The following FYCO1 variants were observed in gnomAD, a reference collection of about 807,000 sequenced individuals.
FYCO1 encodes the protein FYVE and coiled-coil domain autophagy adaptor 1, also known as FYVE and coiled-coil domain-containing protein 1.
A neutral mutation model predicts 165.1 loss-of-function variants in FYCO1; 122 were observed. The observed-to-expected ratio is 0.74, with a 90% CI of 0.64 to 0.86. FYCO1 has a LOEUF of 0.86. Among genes scored for constraint, FYCO1 ranks in the 40% least tolerant of loss-of-function variants. The pLI is 0.00. For missense variants in FYCO1, 1,702 were observed against 1,810.3 expected (o/e 0.94, Z 1.09); for synonymous variants, 648 against 742.5 (o/e 0.87, Z 2.07).
chr3:45,949,552 T>TACCCCTGTGCACCACAGCACC (rs1704863928), intron 14 of FYCO1, among the ~76,000 whole-genome samples: 1 of 152,184 alleles, frequency 6.6e-6, no homozygotes, highest in South Asian at 2.1e-4. Flanking sequence ...CACCACCATG[T>TACCCCTGTGCACCACAGCACC]ACCCCTGTGC....
intron 4 of FYCO1, 148 bp from the exon 5 acceptor site, chr3:45,975,493 C>T (rs1375927410): frequency 2.0e-5 from 14 of 694,904 alleles, no homozygotes; most frequent in Non-Finnish European, 3.7e-5. Flanking sequence ...AAGGACACAA[C>T]ACATTTGATA....
intron 2 of FYCO1, 51 bp from the exon 3 acceptor site, chr3:45,981,727 C>A: frequency 1.6e-6 from 2 of 1,251,998 alleles, no homozygotes; most frequent in Non-Finnish European, 2.3e-6. Context: ...TAAACTCAGA[C>A]AGAGAAGCAG....
At chr3:45,947,553 C>A in intron 14 of FYCO1, 2 of 1,460,152 alleles carry the variant, frequency 1.4e-6, no homozygotes, top group South Asian at 2.4e-5. Flanking sequence ...ATTTGCAAGT[C>A]ATGGCTGTGC....
intron 8 of FYCO1, among the ~76,000 whole-genome samples, chr3:45,965,753 C>A (rs1337625614): frequency 1.3e-5 from 2 of 152,194 alleles, no homozygotes; most frequent in African/African-American, 4.8e-5. Context: ...GAACTGCTGG[C>A]CCTCTGCAGG....
At position 45,920,989 on chromosome 3, in the gene FYCO1, C is replaced by A; in HGVS notation, c.*776G>T. ...TAGTGTACACACAGCCATTGCAGGC[C>A]CCAAGTACAGTGGGTTTTGCTCTTG... is the stretch of plus-strand genomic sequence containing the variant. On this transcript the variant is annotated 3_prime_UTR_variant, in exon 18 of 18. Transcript: ENST00000296137. 1 of 155,250 alleles carries A rather than the reference C, an allele frequency of 6.4e-6. No individual in the cohort carries two copies. The allele number at this position is 155,250 out of a possible 1,614,324, so 9.6% of individuals were successfully genotyped here. A position where few individuals can be genotyped will look rare whatever the true frequency, so the allele number is the denominator to read the frequency against.
In FYCO1 at chr3:45,967,661, C is replaced by T. The variant is rs754417421; in HGVS notation, c.1673G>A (p.Gly558Glu). 2.4e-5 allele frequency: 38 copies of T among 1,611,256 alleles called. No individual in the cohort carries two copies. The highest frequency in any genetic ancestry group is 3.2e-5 in the Non-Finnish European group (38 of 1,179,918). The stretch of plus-strand genomic sequence containing the variant: ...CACTGGCAGTTCTGGGCCAGGCGGC[C>T]CAGCAAGCCGCTCGAGCATACCCAC... ...QQVGMLERLAGPPGPELPVAG... is the reference protein window; with the variant it reads ...QQVGMLERLAEPPGPELPVAG... The change falls in exon 8 of 18, where the codon GGG (glycine) becomes GAG (glutamate). Residue 558 changes from glycine (G) to glutamate (E), a missense_variant. Transcript: ENST00000296137.
intron 10 of FYCO1, among the ~76,000 whole-genome samples, chr3:45,963,723 A>T (rs937800252): frequency 6.6e-6 from 1 of 152,190 alleles, no homozygotes; most frequent in African/African-American, 2.4e-5. Flanking sequence ...GTGTCCCATG[A>T]CCACATGGTG....
At chr3:45,994,365 G>A (rs1006946906) in intron 1 of FYCO1, among the ~76,000 whole-genome samples, 4 of 152,118 alleles carry the variant, frequency 2.6e-5, no homozygotes, top group Non-Finnish European at 5.9e-5. Context: ...CACAAAGATA[G>A]TCACTTTGAA....
At chr3:45,984,666 G>A in intron 2 of FYCO1, 190 bp downstream of exon 2, 1 of 691,784 alleles carries the variant, frequency 1.4e-6, no homozygotes, top group Non-Finnish European at 2.6e-6. Context: ...AAGGAAACCA[G>A]GCAAGCTTTC....
At chr3:45,963,751 CCA>C (rs1705833280) in intron 10 of FYCO1, among the ~76,000 whole-genome samples, 1 of 152,226 alleles carries the variant, frequency 6.6e-6, no homozygotes, top group Admixed American at 6.5e-5. Context: ...GCTCACAACT[CCA>C]CATGGCCCCA....
At position 45,964,314 on chromosome 3, in the gene FYCO1, A is replaced by T; in HGVS notation, c.3269+22T>A. The T allele has an allele frequency of 6.5e-7, 1 of 1,546,566 alleles. No homozygotes were observed. The highest frequency in any genetic ancestry group is 8.9e-7 in the Non-Finnish European group (1 of 1,118,388). On this transcript the variant is annotated intron_variant, in intron 10 of 17. Transcript: ENST00000296137. This position sits in a 1 kb window ranked among gnomAD's most constrained non-coding sequence, Gnocchi z 4.1. ...CCTTCCCTGAAGACTACCGACAGCT[A>T]CGTAGGTGGACTGTGACTAACCTTT...
At chr3:45,982,090 G>T (rs939598742) in intron 2 of FYCO1, among the ~76,000 whole-genome samples, 1 of 152,134 alleles carries the variant, frequency 6.6e-6, no homozygotes, top group Non-Finnish European at 1.5e-5. Flanking sequence ...GTAAGCGCAG[G>T]ATCAGAATAC....
At position 45,931,491 on chromosome 3, in the gene FYCO1, G is replaced by A. The variant is rs189342535; in HGVS notation, c.4041-210C>T. Among the ~76,000 whole-genome samples the A allele has an allele frequency of 9.2e-5, 14 of 152,298 alleles. No homozygotes were observed. The East Asian group carries it at 2.7e-3, about 29-fold the overall frequency. On this transcript the variant is annotated intron_variant, in intron 15 of 17. Transcript: ENST00000296137. ...AGCGCTAACTACATGCCTGGCATAG[G>A]TCTAGGCACGGAGGAGACAGCAGTA...
intron 16 of FYCO1, among the ~76,000 whole-genome samples, chr3:45,925,417 C>A (rs9860832): frequency 0.015 from 2,221 of 152,282 alleles, 58 homozygotes; most frequent in African/African-American, 0.049. Flanking sequence ...CAGAAGTGAC[C>A]ATTTTTATTC....
intron 17 of FYCO1, 139 bp from the exon 18 acceptor site, chr3:45,921,979 G>A: frequency 1.4e-6 from 1 of 705,346 alleles, no homozygotes; most frequent in East Asian, 2.7e-5. Context: ...CCCATTTCCT[G>A]TCTGTCTAGT....
At chr3:45,975,154 C>G (rs1406876414) in intron 5 of FYCO1, 85 bp downstream of exon 5, 3 of 911,726 alleles carry the variant, frequency 3.3e-6, no homozygotes, top group Admixed American at 1.7e-5. Flanking sequence ...ATGAGCACTA[C>G]TGTTGCAGCT....
chr3:45,948,617 T>A (rs982877761), intron 14 of FYCO1, among the ~76,000 whole-genome samples: 7 of 152,238 alleles, frequency 4.6e-5, no homozygotes, highest in African/African-American at 1.4e-4. Context: ...TTTATGCATG[T>A]TTATTAAATC....
chr3:45,927,185 T>C (rs1405747745), intron 16 of FYCO1, among the ~76,000 whole-genome samples: 2 of 152,208 alleles, frequency 1.3e-5, no homozygotes, highest in Admixed American at 6.5e-5. Flanking sequence ...TCATCAGCTA[T>C]CGTTAGTGTT....
At chr3:45,975,466 C>G in intron 4 of FYCO1, 121 bp from the exon 5 acceptor site, 1 of 730,704 alleles carries the variant, frequency 1.4e-6, no homozygotes, top group Non-Finnish European at 2.4e-6. Context: ...CAATTTTACC[C>G]TATACGTTGT....
Sources: allele counts gnomAD v4.1 joint callset (sites outside exome capture counted in the v4.1 genomes callset), GRCh38; gene constraint gnomAD v4.1.1; non-coding constraint Gnocchi (gnomAD v3.1); transcripts MANE v1.5; gene names NCBI Gene and HGNC (gene_info 2026-07-23, HGNC 2026-07-21).